Variants in CADPS2 observed in about 807,000 individuals in gnomAD.
CADPS2 encodes calcium dependent secretion activator 2.
Under a neutral mutation model 172.5 loss-of-function variants are expected in CADPS2, and 93 were observed. The observed-to-expected ratio is 0.54, with a 90% CI of 0.46 to 0.64. The LOEUF (loss-of-function observed/expected upper bound fraction) is 0.64, where lower values mean the gene tolerates loss of function less well. CADPS2 is among the 30% of genes least tolerant of loss of function. The pLI is 0.00. For missense variants in CADPS2, 1,420 were observed against 1,565.9 expected (o/e 0.91, Z 1.57); for synonymous variants, 546 against 555.2 (o/e 0.98, Z 0.23).
intron 2 of CADPS2, among the ~76,000 whole-genome samples, chr7:122,683,518 T>C (rs760869315): frequency 3.0e-4 from 45 of 152,174 alleles, no homozygotes; most frequent in Non-Finnish European, 5.6e-4. Flanking sequence ...AACAATTTTA[T>C]ATATTATGGG....
At chr7:122,357,708 GA>G (rs2151100355) in intron 27 of CADPS2, among the ~76,000 whole-genome samples, 1 of 152,222 alleles carries the variant, frequency 6.6e-6, no homozygotes, top group Non-Finnish European at 1.5e-5. Context: ...GCCTTTTGTA[GA>G]ATGTGATATA....
At chr7:122,678,974 C>G (rs554080808) in intron 2 of CADPS2, among the ~76,000 whole-genome samples, 1 of 152,048 alleles carries the variant, frequency 6.6e-6, no homozygotes, top group African/African-American at 2.4e-5. Context: ...CCGTCATCTT[C>G]GTAAGTTGAG....
At chr7:122,404,442 G>T (rs573692085) in intron 20 of CADPS2, among the ~76,000 whole-genome samples, 3 of 152,018 alleles carry the variant, frequency 2.0e-5, no homozygotes, top group African/African-American at 2.4e-5. Flanking sequence ...GAATAGTGCC[G>T]CAATAAACAT....
chr7:122,320,340 T>C lies in CADPS2; in HGVS notation c.3718-2A>G. ...CAATCGAAAGTCCCTGTAGGTTTTC[T>C]GAAGAAAGAAGATAAAATTTGCTTA... On this transcript the variant is annotated splice_acceptor_variant, in intron 29 of 29. Transcript: ENST00000449022. LOFTEE classifies it high-confidence loss of function. The C allele has an allele frequency of 6.3e-7, 1 of 1,589,984 alleles. No homozygotes were observed.
intron 1 of CADPS2, among the ~76,000 whole-genome samples, chr7:122,816,971 C>G (rs1188262640): frequency 6.6e-6 from 1 of 151,528 alleles, no homozygotes; most frequent in Non-Finnish European, 1.5e-5. Context: ...CACTGAACAC[C>G]TTGCGACCCC....
chr7:122,758,177 C>T (rs1373023008), intron 1 of CADPS2, among the ~76,000 whole-genome samples: 1 of 152,070 alleles, frequency 6.6e-6, no homozygotes, highest in African/African-American at 2.4e-5. Context: ...CATCCCATGC[C>T]CATGAAATTA....
chr7:122,476,417 T>C (rs1230206403), intron 12 of CADPS2, among the ~76,000 whole-genome samples: 1 of 152,038 alleles, frequency 6.6e-6, no homozygotes, highest in East Asian at 1.9e-4. Context: ...AATTAAAAAA[T>C]GGGCATACAA....
At chr7:122,402,808 C>G (rs2046128169) in intron 20 of CADPS2, among the ~76,000 whole-genome samples, 1 of 152,202 alleles carries the variant, frequency 6.6e-6, no homozygotes, top group Non-Finnish European at 1.5e-5. Flanking sequence ...TGTAAGCAAG[C>G]ACTGTTTTTC....
intron 1 of CADPS2, among the ~76,000 whole-genome samples, chr7:122,868,559 A>G (rs901594161): frequency 6.6e-6 from 1 of 152,236 alleles, no homozygotes; most frequent in African/African-American, 2.4e-5. Context: ...AAGAGCTTAG[A>G]ATATAGAATC....
At chr7:122,360,671 A>T in intron 27 of CADPS2, 117 bp downstream of exon 27, 1 of 880,506 alleles carries the variant, frequency 1.1e-6, no homozygotes, top group Non-Finnish European at 1.7e-6. Flanking sequence ...TAAGGAAAAT[A>T]AACTACTCCC....
intron 1 of CADPS2, among the ~76,000 whole-genome samples, chr7:122,772,246 TTAAAA>T (rs1354045996): frequency 6.6e-6 from 1 of 152,192 alleles, no homozygotes; most frequent in Non-Finnish European, 1.5e-5. Context: ...ATCAATTATA[TTAAAA>T]TAAGTATCCA....
intron 14 of CADPS2, among the ~76,000 whole-genome samples, chr7:122,468,970 A>G (rs747431662): frequency 1.3e-5 from 2 of 152,236 alleles, no homozygotes; most frequent in Non-Finnish European, 2.9e-5. Flanking sequence ...AAAGACTACC[A>G]GAGATACCTG....
At chr7:122,819,155 G>A (rs1802381852) in intron 1 of CADPS2, among the ~76,000 whole-genome samples, 1 of 152,152 alleles carries the variant, frequency 6.6e-6, no homozygotes, top group Non-Finnish European at 1.5e-5. Context: ...CAGCAGCCAG[G>A]CATTCCTCCA....
intron 15 of CADPS2, among the ~76,000 whole-genome samples, chr7:122,447,780 TA>T (rs925598678): frequency 1.3e-5 from 2 of 151,778 alleles, no homozygotes; most frequent in African/African-American, 4.8e-5. Context: ...CTCAAACTCC[TA>T]ACCTCAAGTA....
At chr7:122,668,881 GCT>G (rs1336297430) in intron 2 of CADPS2, among the ~76,000 whole-genome samples, 4 of 152,132 alleles carry the variant, frequency 2.6e-5, no homozygotes, top group Admixed American at 6.5e-5. Context: ...CTTTCATTTT[GCT>G]CTGTTTTTTG....
At chr7:122,861,610 G>A (rs1185896734) in intron 1 of CADPS2, among the ~76,000 whole-genome samples, 1 of 152,050 alleles carries the variant, frequency 6.6e-6, no homozygotes, top group Non-Finnish European at 1.5e-5. Flanking sequence ...AATCCTATTT[G>A]TCTATTTTTG....
chr7:122,709,648 G>C (rs1451933187), intron 2 of CADPS2, among the ~76,000 whole-genome samples: 1 of 151,894 alleles, frequency 6.6e-6, no homozygotes, highest in Admixed American at 6.6e-5. Context: ...CAAAGACTTG[G>C]AACCAACCCA....
chr7:122,412,688 G>A (rs1401716236), intron 19 of CADPS2: 1 of 152,188 alleles, frequency 6.6e-6, no homozygotes, highest in East Asian at 1.9e-4. Context: ...AGGATCTTAA[G>A]TCAATATTTT....
At chr7:122,541,982 A>G (rs1324336457) in intron 8 of CADPS2, among the ~76,000 whole-genome samples, 1 of 150,642 alleles carries the variant, frequency 6.6e-6, no homozygotes, top group Non-Finnish European at 1.5e-5. Context: ...GTGTAATAGT[A>G]GCATAAAATC....
Sources: gnomAD v4.1 joint callset for allele counts (sites outside exome capture counted in the v4.1 genomes callset) on GRCh38, gnomAD v4.1.1 for gene constraint, MANE v1.5 for transcripts, NCBI Gene and HGNC (gene_info 2026-07-23, HGNC 2026-07-21) for gene names.